The following BAZ2B variants were observed in gnomAD, a reference collection of about 807,000 sequenced individuals.
BAZ2B encodes bromodomain adjacent to zinc finger domain protein 2B.
A neutral mutation model predicts 246.0 loss-of-function variants in BAZ2B; 91 were observed. That is an observed-to-expected ratio of 0.37 (90% confidence interval 0.31 to 0.44). The LOEUF (loss-of-function observed/expected upper bound fraction) is 0.44, where lower values mean the gene tolerates loss of function less well. Ranked by LOEUF, BAZ2B falls within the 20% of genes least tolerant of loss-of-function variation. BAZ2B has a pLI of 1.00. For missense variants in BAZ2B, 2,332 were observed against 2,533.7 expected, an observed-to-expected ratio of 0.92 and a Z score of 1.71; for synonymous variants, 855 against 860.0, an observed-to-expected ratio of 0.99 and a Z score of 0.10.
chr2:159,328,776 G>C (rs10196112), intron 34 of BAZ2B, among the ~76,000 whole-genome samples: 2 of 152,146 alleles, frequency 1.3e-5, no homozygotes, highest in African/African-American at 2.4e-5. Context: ...ATTCATATAA[G>C]TGGCCCTCCA....
At chr2:159,423,849 G>A (rs916350520) in intron 13 of BAZ2B, among the ~76,000 whole-genome samples, 2 of 152,154 alleles carry the variant, frequency 1.3e-5, no homozygotes, top group Admixed American at 6.5e-5. Flanking sequence ...AGTAGACACT[G>A]GAGACTACTT....
chr2:159,709,367 G>A, the BAZ2B span, among the ~76,000 whole-genome samples: 1 of 152,154 alleles, frequency 6.6e-6, no homozygotes, highest in South Asian at 2.1e-4. Flanking sequence ...TGGATAAAAG[G>A]AGTAAGTTCT....
At chr2:159,565,289 G>C (rs1185959590) in intron 1 of BAZ2B, among the ~76,000 whole-genome samples, 1 of 152,194 alleles carries the variant, frequency 6.6e-6, no homozygotes, top group East Asian at 1.9e-4. Context: ...CAGCATATGT[G>C]GACAACTCTG....
intron 34 of BAZ2B, among the ~76,000 whole-genome samples, chr2:159,328,069 C>CAAAAAAAA (rs1558959778): frequency 2.7e-5 from 3 of 111,524 alleles, no homozygotes; most frequent in African/African-American, 4.0e-5. Flanking sequence ...AGCCTCAAAA[C>CAAAAAAAA]GAAAAAAAAA....
At chr2:159,511,954 A>G (rs184992107) in intron 2 of BAZ2B, among the ~76,000 whole-genome samples, 4 of 152,312 alleles carry the variant, frequency 2.6e-5, no homozygotes, top group African/African-American at 9.6e-5. Context: ...AGGTATAGGA[A>G]GAATGAATAC....
chr2:159,435,963 A>G (rs1203857880), intron 8 of BAZ2B, among the ~76,000 whole-genome samples: 2 of 152,240 alleles, frequency 1.3e-5, no homozygotes, highest in African/African-American at 4.8e-5. Flanking sequence ...TTACAAAGAG[A>G]AAGTGCTTAA....
intron 1 of BAZ2B, among the ~76,000 whole-genome samples, chr2:159,558,539 C>T (rs1388224202): frequency 1.3e-5 from 2 of 152,018 alleles, no homozygotes; most frequent in African/African-American, 2.4e-5. Context: ...AGATTACAGG[C>T]GTGAGCCACT....
In BAZ2B at chr2:159,339,886, T is replaced by C. The variant is rs543896761; in HGVS notation, c.5455-2114A>G. Among the ~76,000 whole-genome samples, 7 of 152,114 alleles carry C rather than the reference T, an allele frequency of 4.6e-5. No homozygotes were observed. The East Asian group carries it at 1.4e-3, about 29-fold the overall frequency. ...AAAAAAGCTACTCTACTCTAGAATG[T>C]AGAGAGTAGATTGGTGGTTACCAGA... On this transcript the variant is annotated intron_variant, in intron 31 of 36. Coordinates refer to ENST00000392783, the MANE Select transcript of BAZ2B (RefSeq NM_013450.4).
At chr2:159,550,532 AAGGGAG>A (rs2088026745) in intron 2 of BAZ2B, among the ~76,000 whole-genome samples, 1 of 152,162 alleles carries the variant, frequency 6.6e-6, no homozygotes, top group East Asian at 1.9e-4. Flanking sequence ...ACCTAGCTGC[AAGGGAG>A]ACTGGGGAAA....
intron 2 of BAZ2B, among the ~76,000 whole-genome samples, chr2:159,548,349 T>C (rs913852552): frequency 6.6e-6 from 1 of 152,200 alleles, no homozygotes; most frequent in Non-Finnish European, 1.5e-5. Flanking sequence ...CTTTTGGTAT[T>C]AGAAAAGTGA....
chr2:159,692,880 T>C, the BAZ2B span, among the ~76,000 whole-genome samples: 1 of 152,298 alleles, frequency 6.6e-6, no homozygotes, highest in Admixed American at 6.5e-5. Flanking sequence ...TCGAGTACAA[T>C]AGCTCACAGC....
chr2:159,647,581 G>T, the BAZ2B span, among the ~76,000 whole-genome samples: 177 of 152,196 alleles, frequency 1.2e-3, no homozygotes, highest in African/African-American at 4.0e-3. Flanking sequence ...CAGATTAATT[G>T]ATACACAAAA....
the BAZ2B span, among the ~76,000 whole-genome samples, chr2:159,707,028 G>A: frequency 6.6e-5 from 10 of 152,022 alleles, no homozygotes; most frequent in East Asian, 1.9e-4. Flanking sequence ...CCACAATTAC[G>A]TGAGCTAATT....
chr2:159,561,038 G>A (rs1256513981), intron 1 of BAZ2B, among the ~76,000 whole-genome samples: 1 of 152,092 alleles, frequency 6.6e-6, no homozygotes, highest in Non-Finnish European at 1.5e-5. Context: ...TACAATGATG[G>A]GAATGTTCAG....
At chr2:159,443,675 A>C (rs185264373) in intron 6 of BAZ2B, among the ~76,000 whole-genome samples, 59 of 152,274 alleles carry the variant, frequency 3.9e-4, no homozygotes, top group Non-Finnish European at 3.7e-4. Flanking sequence ...GCCTCACTTG[A>C]ATAGACAATC....
chr2:159,625,389 G>A, the BAZ2B span, among the ~76,000 whole-genome samples: 2 of 152,108 alleles, frequency 1.3e-5, no homozygotes, highest in South Asian at 2.1e-4. Flanking sequence ...ATTTACCAAG[G>A]TTGAAATGAA....
At chr2:159,633,672 A>AATC in the BAZ2B span, among the ~76,000 whole-genome samples, 1 of 151,614 alleles carries the variant, frequency 6.6e-6, no homozygotes, top group Non-Finnish European at 1.5e-5. Flanking sequence ...CTCTCTTGAT[A>AATC]GCCAGTATGT....
intron 24 of BAZ2B, 81 bp downstream of exon 24, chr2:159,383,525 C>T (rs2062255853): frequency 8.4e-7 from 1 of 1,190,648 alleles, no homozygotes; most frequent in East Asian, 2.4e-5. Context: ...AGTTTAAATT[C>T]TATCTTTGCA....
Position 159,438,478 on chromosome 2 carries a change from C to T in BAZ2B, c.1118G>A (p.Ser373Asn), listed in dbSNP as rs755641948. The change falls in exon 8 of 37, where the codon AGT becomes AAT. Residue 373 changes from serine (S) to asparagine (N), a missense_variant. Physicochemically the swap from Ser to Asn is conservative, Grantham distance 46. Around this residue, in one of 9 missense-constraint regions of BAZ2B, gnomAD observed 161 missense variants for 225.8 expected, o/e 0.71. Transcript: ENST00000392783. ...CACCAATCCCGTAGACTGTATTACA[C>T]TGGTGTGTTTGTTCACAGATTCCTC... ...AKEESVNKHT[S>N]VIQSTGLVSN... 2 of 1,614,066 alleles carry T rather than the reference C, an allele frequency of 1.2e-6. No homozygotes were observed. Among genetic ancestry groups the T allele is most frequent in the Non-Finnish European group, 8.5e-7 (1 of 1,180,032 alleles).
Sources: allele counts gnomAD v4.1 joint callset (sites outside exome capture counted in the v4.1 genomes callset), GRCh38; gene constraint gnomAD v4.1.1; regional missense constraint gnomAD v4.1.1; transcripts MANE v1.5; gene names NCBI Gene and HGNC (gene_info 2026-07-23, HGNC 2026-07-21).